Variants in CMSS1 observed in about 807,000 individuals in gnomAD.
CMSS1 encodes cms1 ribosomal small subunit homolog, also known as protein CMSS1.
A neutral mutation model predicts 43.5 loss-of-function variants in CMSS1; 33 were observed. The observed-to-expected ratio is 0.76, with a 90% CI of 0.57 to 1.01. The LOEUF (loss-of-function observed/expected upper bound fraction) is 1.01. Among genes scored for constraint, CMSS1 ranks in the 50% least tolerant of loss-of-function variants. The probability of loss-of-function intolerance (pLI) is 0.00; values close to 1 mark genes in which losing one functional copy is unlikely to be tolerated. For synonymous variants in CMSS1, 115 were observed against 117.2 expected, an observed-to-expected ratio of 0.98 and a Z score of 0.12; for missense variants, 313 against 326.4, an observed-to-expected ratio of 0.96 and a Z score of 0.32.
intron 1 of CMSS1, among the ~76,000 whole-genome samples, chr3:100,052,002 A>T (rs1161496056): frequency 7.3e-5 from 11 of 151,162 alleles, no homozygotes; most frequent in Admixed American, 7.3e-4. Context: ...AATATAAAAT[A>T]TTTCAAGCAA....
intron 1 of CMSS1, among the ~76,000 whole-genome samples, chr3:99,892,064 A>G (rs1706099355): frequency 1.3e-5 from 2 of 152,210 alleles, no homozygotes; most frequent in Admixed American, 1.3e-4. Flanking sequence ...GTAAAGAGGG[A>G]TGGTCTAAGA....
intron 1 of CMSS1, among the ~76,000 whole-genome samples, chr3:99,893,482 T>A (rs193199308): frequency 2.6e-5 from 4 of 152,314 alleles, no homozygotes; most frequent in Admixed American, 6.5e-5. Context: ...AGACATTTTT[T>A]AATAGGCATT....
intron 1 of CMSS1, among the ~76,000 whole-genome samples, chr3:100,126,413 A>C (rs2066662394): frequency 1.3e-5 from 2 of 152,146 alleles, no homozygotes; most frequent in African/African-American, 4.8e-5. Context: ...TTGTTTTGTC[A>C]TTGTCATTTT....
At chr3:99,988,832 T>G (rs1020056445) in intron 1 of CMSS1, among the ~76,000 whole-genome samples, 1 of 152,214 alleles carries the variant, frequency 6.6e-6, no homozygotes, top group African/African-American at 2.4e-5. Flanking sequence ...ATTGGTAATT[T>G]TTATTCCAAA....
intron 1 of CMSS1, among the ~76,000 whole-genome samples, chr3:99,949,350 G>A (rs1708108864): frequency 6.6e-6 from 1 of 152,064 alleles, no homozygotes; most frequent in African/African-American, 2.4e-5. Context: ...CTCCATAGTT[G>A]GCAACTGGCT....
chr3:100,026,406 A>G (rs1483599339), intron 1 of CMSS1, among the ~76,000 whole-genome samples: 1 of 152,068 alleles, frequency 6.6e-6, no homozygotes, highest in East Asian at 1.9e-4. Context: ...CAAGGTCGAT[A>G]GTGAACCAAA....
At chr3:99,865,755 A>AATAT (rs57042892) in intron 1 of CMSS1, among the ~76,000 whole-genome samples, 12 of 149,594 alleles carry the variant, frequency 8.0e-5, no homozygotes, top group African/African-American at 2.4e-4. Context: ...CATAATAATA[A>AATAT]ATATATATAT....
intron 1 of CMSS1, among the ~76,000 whole-genome samples, chr3:100,104,058 C>G (rs549920316): frequency 1.4e-4 from 21 of 152,278 alleles, no homozygotes; most frequent in Non-Finnish European, 2.6e-4. Context: ...TTCTAGCCAT[C>G]CACTGAGGAG....
chr3:99,919,244 TA>T (rs1432058898), intron 1 of CMSS1, among the ~76,000 whole-genome samples: 2 of 151,956 alleles, frequency 1.3e-5, no homozygotes, highest in Non-Finnish European at 2.9e-5. Context: ...GCATTAATGT[TA>T]TTACATTAGT....
intron 1 of CMSS1, among the ~76,000 whole-genome samples, chr3:99,885,657 C>T (rs1705869180): frequency 6.6e-6 from 1 of 152,160 alleles, no homozygotes; most frequent in African/African-American, 2.4e-5. Flanking sequence ...TAGTTAAAAA[C>T]AATATTTGTC....
chr3:100,165,094 C>T (rs1226457053), intron 4 of CMSS1, among the ~76,000 whole-genome samples: 1 of 152,074 alleles, frequency 6.6e-6, no homozygotes, highest in Non-Finnish European at 1.5e-5. Context: ...CAGGCCCACC[C>T]CCAAGAGATT....
intron 1 of CMSS1, among the ~76,000 whole-genome samples, chr3:99,950,820 G>A (rs1401222328): frequency 6.6e-6 from 1 of 152,166 alleles, no homozygotes; most frequent in African/African-American, 2.4e-5. Context: ...ACAGAGCTAT[G>A]TATTTGGCCC....
intron 1 of CMSS1, among the ~76,000 whole-genome samples, chr3:99,984,327 C>G (rs1218768856): frequency 6.6e-6 from 1 of 151,994 alleles, no homozygotes; most frequent in East Asian, 1.9e-4. Context: ...TAATCTAGAG[C>G]CAAGAATGAA....
At chr3:99,983,446 GTATATATATATATGTGTGTATATA>G (rs1709210015) in intron 1 of CMSS1, among the ~76,000 whole-genome samples, 2 of 87,810 alleles carry the variant, frequency 2.3e-5, no homozygotes, top group African/African-American at 1.1e-4. Context: ...ATATATGTAT[GTATATATATATATGTGTGTATATA>G]TATATATATA....
At chr3:100,062,704 A>G (rs769260859) in intron 1 of CMSS1, among the ~76,000 whole-genome samples, 13 of 152,208 alleles carry the variant, frequency 8.5e-5, no homozygotes, top group Non-Finnish European at 1.8e-4. Context: ...AAAAGCCCCT[A>G]TATCTTAGGC....
intron 6 of CMSS1, among the ~76,000 whole-genome samples, chr3:100,171,088 A>G (rs1373487739): frequency 6.6e-6 from 1 of 152,170 alleles, no homozygotes; most frequent in African/African-American, 2.4e-5. Context: ...AGTGCCCCTC[A>G]GTCTTCACCC....
chr3:99,972,650 T>A (rs1708858023), intron 1 of CMSS1, among the ~76,000 whole-genome samples: 1 of 152,152 alleles, frequency 6.6e-6, no homozygotes, highest in Non-Finnish European at 1.5e-5. Context: ...TGAGCCCATG[T>A]CACCACCCTG....
intron 1 of CMSS1, among the ~76,000 whole-genome samples, chr3:99,838,850 C>G (rs550503973): frequency 6.6e-6 from 1 of 151,934 alleles, no homozygotes; most frequent in South Asian, 2.1e-4. Context: ...GTTTTTTGCC[C>G]TCTCTTTTAT....
intron 1 of CMSS1, among the ~76,000 whole-genome samples, chr3:99,929,649 A>G (rs1037943057): frequency 1.2e-4 from 19 of 152,110 alleles, no homozygotes; most frequent in Non-Finnish European, 2.8e-4. Flanking sequence ...GGTTGATTCA[A>G]GCAACAAACC....
Sources: gnomAD v4.1 joint callset for allele counts (sites outside exome capture counted in the v4.1 genomes callset) on GRCh38, gnomAD v4.1.1 for gene constraint, MANE v1.5 for transcripts, NCBI Gene and HGNC (gene_info 2026-07-23, HGNC 2026-07-21) for gene names.